The following FOCAD variants were observed in gnomAD, a reference collection of about 807,000 sequenced individuals.
FOCAD encodes the protein KIAA1797.
A neutral mutation model predicts 225.6 loss-of-function variants in FOCAD; 198 were observed. That is an observed-to-expected ratio of 0.88 (90% CI 0.78 to 0.99). The LOEUF (loss-of-function observed/expected upper bound fraction) is 0.99, where lower values mean the gene tolerates loss of function less well. Among genes scored for constraint, FOCAD ranks in the 50% least tolerant of loss-of-function variants. FOCAD has a pLI of 0.00. For synonymous variants in FOCAD, 897 were observed against 755.0 expected (o/e 1.19, Z -3.08); for missense variants, 2,713 against 2,123.6 (o/e 1.28, Z -5.46).
At position 20,923,624 on chromosome 9, in the gene FOCAD, A is replaced by G. The variant is rs375320964; in HGVS notation, c.2853-36A>G. Reference sequence around the variant, plus strand: ...TCTTTCTCTTCTTCTGGTTAATACCAAAGTTCTCTGTTGAAATTTTTTTCC... The same window carrying G: ...TCTTTCTCTTCTTCTGGTTAATACCGAAGTTCTCTGTTGAAATTTTTTTCC... On this transcript the variant is annotated intron_variant, in intron 24 of 43. Transcript: ENST00000338382. 6.4e-6 allele frequency: 10 copies of G among 1,555,660 alleles called. No individual in the cohort carries two copies. The African/African-American group carries it at 6.8e-5, about 11-fold the overall frequency.
At chr9:20,695,276 TCTTA>T (rs1823270364) in intron 1 of FOCAD, among the ~76,000 whole-genome samples, 1 of 152,178 alleles carries the variant, frequency 6.6e-6, no homozygotes, top group Non-Finnish European at 1.5e-5. Flanking sequence ...TGTGTGGTAT[TCTTA>T]CTTTTAGTGA....
chr9:20,703,918 C>A (rs1176426150), intron 1 of FOCAD, among the ~76,000 whole-genome samples: 1 of 152,222 alleles, frequency 6.6e-6, no homozygotes, highest in Non-Finnish European at 1.5e-5. Context: ...TCAGGATTTG[C>A]ATCCAGGTCT....
chr9:20,710,229 A>ATTTTTTTT (rs749860355), intron 1 of FOCAD, among the ~76,000 whole-genome samples: 2 of 102,290 alleles, frequency 2.0e-5, no homozygotes, highest in South Asian at 3.5e-4. Context: ...AGTAGCTGAG[A>ATTTTTTTT]TTTTTTTTTT....
At chr9:20,843,934 A>G (rs950150046) in intron 15 of FOCAD, among the ~76,000 whole-genome samples, 1 of 152,146 alleles carries the variant, frequency 6.6e-6, no homozygotes, top group South Asian at 2.1e-4. Context: ...TTACAGAGCA[A>G]TATTAAAAGA....
chr9:20,946,035 A>G (rs1837140633), intron 29 of FOCAD, among the ~76,000 whole-genome samples: 1 of 152,134 alleles, frequency 6.6e-6, no homozygotes. Context: ...CATATTCCCA[A>G]ATCTTGGCTC....
In FOCAD at chr9:20,944,659, T is replaced by C. The variant is rs1244315277; in HGVS notation, c.3440T>C (p.Leu1147Pro). Residue 1147 changes from leucine (L) to proline (P), a missense_variant, in exon 29 of 44, where the codon CTG (leucine) becomes CCG (proline). Coordinates refer to ENST00000338382, the MANE Select transcript of FOCAD (RefSeq NM_001375567.1). ...TGTATATTGGGAGTTGGACTTGTTC[T>C]GTCCCTCATGAGCCACAGCAGCCAA... ...TGCILGVGLV[L>P]SLMSHSSQMQ... is the part of the protein sequence containing the mutation. 1.9e-6 allele frequency: 3 copies of C among 1,613,980 alleles called. No individual in the cohort carries two copies. Among genetic ancestry groups the C allele is most frequent in the Non-Finnish European group, 2.5e-6 (3 of 1,179,938 alleles).
chr9:20,822,177 A>C (rs1224647840), intron 14 of FOCAD, among the ~76,000 whole-genome samples: 2 of 152,006 alleles, frequency 1.3e-5, no homozygotes, highest in Non-Finnish European at 2.9e-5. Context: ...AGACCAGATC[A>C]GTCTACTGCT....
chr9:20,681,676 G>A (rs1247495358), upstream of FOCAD, among the ~76,000 whole-genome samples: 1 of 152,102 alleles, frequency 6.6e-6, no homozygotes, highest in African/African-American at 2.4e-5. Flanking sequence ...TCTAGAATAC[G>A]TCTTTCATCT....
intron 11 of FOCAD, among the ~76,000 whole-genome samples, chr9:20,815,255 T>A (rs1375926354): frequency 6.7e-6 from 1 of 148,696 alleles, no homozygotes; most frequent in African/African-American, 2.5e-5. Flanking sequence ...TGCCTCAGCC[T>A]CCTAAGTAGC....
chr9:20,921,567 A>T (rs1834438679), intron 24 of FOCAD, among the ~76,000 whole-genome samples: 2 of 152,226 alleles, frequency 1.3e-5, no homozygotes, highest in South Asian at 4.1e-4. Flanking sequence ...GGGAATGCGA[A>T]GATGATCAAG....
intron 11 of FOCAD, among the ~76,000 whole-genome samples, chr9:20,818,293 G>A (rs1373697904): frequency 2.0e-5 from 3 of 151,940 alleles, no homozygotes; most frequent in African/African-American, 7.2e-5. Context: ...TTAGCTATAT[G>A]GTTTGCAAAT....
chr9:20,761,104 C>G (rs959272732), intron 6 of FOCAD, among the ~76,000 whole-genome samples: 2 of 151,856 alleles, frequency 1.3e-5, no homozygotes, highest in African/African-American at 4.8e-5. Context: ...CTCCTGGGCT[C>G]AAGTGATCCT....
At chr9:20,888,782 G>A (rs1234407483) in intron 21 of FOCAD, among the ~76,000 whole-genome samples, 1 of 152,038 alleles carries the variant, frequency 6.6e-6, no homozygotes, top group Non-Finnish European at 1.5e-5. Context: ...TTAAAAACGT[G>A]AGTTTCCCTG....
intron 15 of FOCAD, among the ~76,000 whole-genome samples, chr9:20,837,210 T>G (rs1427066587): frequency 6.6e-6 from 1 of 152,086 alleles, no homozygotes; most frequent in Non-Finnish European, 1.5e-5. Flanking sequence ...GTTCTCTCAC[T>G]TGAATCAAAA....
chr9:20,721,592 C>G (rs1277221543), intron 4 of FOCAD, among the ~76,000 whole-genome samples: 1 of 152,018 alleles, frequency 6.6e-6, no homozygotes, highest in East Asian at 1.9e-4. Flanking sequence ...ATCCCAGCTA[C>G]TCAGGAGACT....
intron 1 of FOCAD, among the ~76,000 whole-genome samples, chr9:20,687,151 G>A (rs759791751): frequency 4.9e-4 from 74 of 152,106 alleles, no homozygotes; most frequent in Non-Finnish European, 6.6e-4. Context: ...TTTAAATACT[G>A]TATAGCTTTC....
chr9:20,879,056 A>T (rs1451928339), intron 19 of FOCAD, among the ~76,000 whole-genome samples: 2 of 152,098 alleles, frequency 1.3e-5, no homozygotes, highest in Non-Finnish European at 2.9e-5. Flanking sequence ...TCAGACTCAC[A>T]TACTAATCTC....
Position 20,815,512 on chromosome 9 carries a change from C to T in FOCAD, c.1456-4284C>T, listed in dbSNP as rs754812584. ...CAGTATCTTGGTTGGCAGTACCTAC[C>T]CACCCACCCCTGCCCACTCCTTTCA... On this transcript the variant is annotated intron_variant, in intron 11 of 43. Transcript: ENST00000338382. Among the ~76,000 whole-genome samples the T allele has an allele frequency of 1.6e-4, 25 of 151,688 alleles. No homozygotes were observed. The Middle Eastern group carries it at 0.014, about 83-fold the overall frequency.
intron 5 of FOCAD, among the ~76,000 whole-genome samples, chr9:20,747,311 A>G (rs1459589499): frequency 6.6e-6 from 1 of 152,200 alleles, no homozygotes; most frequent in African/African-American, 2.4e-5. Context: ...CTTATTTTCT[A>G]AGGGAAATCC....
Sources: allele counts gnomAD v4.1 joint callset (sites outside exome capture counted in the v4.1 genomes callset), GRCh38; gene constraint gnomAD v4.1.1; transcripts MANE v1.5; gene names NCBI Gene and HGNC (gene_info 2026-07-23, HGNC 2026-07-21).